SLC5A4: variants seen among roughly 807,000 people sequenced by gnomAD.
SLC5A4 encodes probable glucose sensor protein SLC5A4.
In SLC5A4, 55 loss-of-function variants were observed where a neutral mutation model predicts 70.3. The ratio of observed to expected loss-of-function variants is 0.78; its 90% CI spans 0.63 to 0.98. SLC5A4 has a LOEUF of 0.98. Ranked by LOEUF, SLC5A4 falls within the 50% of genes least tolerant of loss-of-function variation. The pLI is 0.00. For missense variants in SLC5A4, 735 were observed against 839.2 expected (o/e 0.88, Z 1.53); for synonymous variants, 268 against 305.7 (o/e 0.88, Z 1.29).
At chr22:32,242,807 G>A (rs1240215715) in intron 5 of SLC5A4, among the ~76,000 whole-genome samples, 1 of 152,200 alleles carries the variant, frequency 6.6e-6, no homozygotes, top group Non-Finnish European at 1.5e-5. Context: ...AAATAGAGAA[G>A]GGAAGACTCC....
At chr22:32,337,307 C>A in the SLC5A4 span, among the ~76,000 whole-genome samples, 1 of 152,308 alleles carries the variant, frequency 6.6e-6, no homozygotes, top group African/African-American at 2.4e-5. Flanking sequence ...CCAAGGCAGG[C>A]GGATTGCCTG....
chr22:32,270,778 A>G, the SLC5A4 span: 1 of 616,402 alleles, frequency 1.6e-6, no homozygotes, highest in Non-Finnish European at 3.0e-6. Flanking sequence ...CGTGGTCATC[A>G]TGAGTGCCGA....
chr22:32,239,634 AAT>A (rs1418779923), intron 5 of SLC5A4, among the ~76,000 whole-genome samples: 3 of 126,834 alleles, frequency 2.4e-5, no homozygotes, highest in East Asian at 4.9e-4. Flanking sequence ...AAATATATAT[AAT>A]ATATATATTA....
chr22:32,234,402 G>A (rs1412623242), intron 8 of SLC5A4, among the ~76,000 whole-genome samples: 2 of 152,144 alleles, frequency 1.3e-5, no homozygotes, highest in Non-Finnish European at 1.5e-5. Context: ...GTTTGTAGAA[G>A]TGTTTGACTC....
the SLC5A4 span, among the ~76,000 whole-genome samples, chr22:32,313,741 T>G: frequency 6.6e-6 from 1 of 152,180 alleles, no homozygotes; most frequent in Non-Finnish European, 1.5e-5. Context: ...CCAGACTCCC[T>G]TGCAAGCAGG....
At chr22:32,273,059 C>A in the SLC5A4 span, 1 of 522,388 alleles carries the variant, frequency 1.9e-6, no homozygotes. Context: ...CCATATCCGA[C>A]ATCATCCTGG....
chr22:32,347,526 T>C, the SLC5A4 span, among the ~76,000 whole-genome samples: 1 of 151,816 alleles, frequency 6.6e-6, no homozygotes, highest in Non-Finnish European at 1.5e-5. Context: ...TATGCAGCCA[T>C]AAAAAATGAT....
At chr22:32,258,838 A>T (rs1927613028), upstream of SLC5A4, among the ~76,000 whole-genome samples, 1 of 152,234 alleles carries the variant, frequency 6.6e-6, no homozygotes, top group African/African-American at 2.4e-5. Flanking sequence ...CCATCAGTGG[A>T]TGCATGGATA....
intron 1 of SLC5A4, among the ~76,000 whole-genome samples, chr22:32,254,618 C>T (rs1927365110): frequency 6.6e-6 from 1 of 152,116 alleles, no homozygotes; most frequent in South Asian, 2.1e-4. Context: ...TCCTGGCCAA[C>T]ATGGTGAAAC....
At chr22:32,326,204 G>A in the SLC5A4 span, among the ~76,000 whole-genome samples, 1 of 152,096 alleles carries the variant, frequency 6.6e-6, no homozygotes, top group African/African-American at 2.4e-5. Flanking sequence ...CCCAGCAGCG[G>A]CAGCGGCTTC....
the SLC5A4 span, among the ~76,000 whole-genome samples, chr22:32,330,172 G>C: frequency 3.8e-5 from 5 of 130,502 alleles, no homozygotes; most frequent in Admixed American, 2.6e-4. Context: ...TGTTGTGTGT[G>C]TGTTGGAGGG....
At chr22:32,328,446 T>C in the SLC5A4 span, among the ~76,000 whole-genome samples, 23 of 152,270 alleles carry the variant, frequency 1.5e-4, 1 homozygote, top group African/African-American at 5.5e-4. Flanking sequence ...GCTTTGCACC[T>C]TGAACTCTCT....
At chr22:32,242,716 A>G (rs1221478344) in intron 5 of SLC5A4, among the ~76,000 whole-genome samples, 1 of 152,184 alleles carries the variant, frequency 6.6e-6, no homozygotes, top group African/African-American at 2.4e-5. Flanking sequence ...CTCAAAAAAA[A>G]AAGTATCAAA....
chr22:32,348,702 T>C, the SLC5A4 span, among the ~76,000 whole-genome samples: 4 of 152,224 alleles, frequency 2.6e-5, no homozygotes, highest in African/African-American at 9.6e-5. Context: ...TATAACTCTT[T>C]ATAACATTTT....
the SLC5A4 span, among the ~76,000 whole-genome samples, chr22:32,303,966 T>C: frequency 2.6e-5 from 4 of 152,230 alleles, no homozygotes; most frequent in African/African-American, 4.8e-5. Context: ...CATTTGGTGT[T>C]GCTGGTGTTC....
the SLC5A4 span, among the ~76,000 whole-genome samples, chr22:32,305,222 T>TA: frequency 3.3e-5 from 5 of 152,084 alleles, no homozygotes; most frequent in African/African-American, 9.7e-5. Flanking sequence ...ATCTTTTTTT[T>TA]ATGGGTTTCA....
chr22:32,328,089 AACAC>A, the SLC5A4 span, among the ~76,000 whole-genome samples: 2 of 78,196 alleles, frequency 2.6e-5, no homozygotes, highest in Non-Finnish European at 8.5e-5. Context: ...CAGAGCCCCC[AACAC>A]ACAAACACAC....
chr22:32,266,108 G>A, the SLC5A4 span, among the ~76,000 whole-genome samples: 1 of 152,278 alleles, frequency 6.6e-6, no homozygotes, highest in Non-Finnish European at 1.5e-5. Flanking sequence ...CAGGGATAAA[G>A]GTTTCCAGGG....
chr22:32,321,443 C>T, the SLC5A4 span, among the ~76,000 whole-genome samples: 5 of 136,672 alleles, frequency 3.7e-5, no homozygotes, highest in South Asian at 4.9e-4. Flanking sequence ...CAGAGCGAGA[C>T]TCTGTCTCAA....
Sources: gnomAD v4.1 joint callset for allele counts (sites outside exome capture counted in the v4.1 genomes callset) on GRCh38, gnomAD v4.1.1 for gene constraint, MANE v1.5 for transcripts, NCBI Gene and HGNC (gene_info 2026-07-23, HGNC 2026-07-21) for gene names.